Variants in FBXO33 observed in about 807,000 individuals in gnomAD.
FBXO33 encodes F-box only protein 33.
Under a neutral mutation model 46.3 loss-of-function variants are expected in FBXO33, and 22 were observed. That is an observed-to-expected ratio of 0.48 (90% CI 0.34 to 0.68). The LOEUF (loss-of-function observed/expected upper bound fraction) is 0.68, where lower values mean the gene tolerates loss of function less well. FBXO33 is among the 30% of genes least tolerant of loss of function. The pLI is 0.01. For synonymous variants in FBXO33, 337 were observed against 291.3 expected (o/e 1.16, Z -1.60); for missense variants, 692 against 708.8 (o/e 0.98, Z 0.27).
intron 1 of FBXO33, among the ~76,000 whole-genome samples, chr14:39,404,685 A>G (rs2075385062): frequency 6.6e-6 from 1 of 152,180 alleles, no homozygotes; most frequent in Non-Finnish European, 1.5e-5. Context: ...GGGAGACAGC[A>G]TTATAGGGAA....
At chr14:39,420,555 T>C (rs2899888) in intron 1 of FBXO33, among the ~76,000 whole-genome samples, 51,964 of 151,824 alleles carry the variant, frequency 0.34, 10,279 homozygotes, top group African/African-American at 0.54. Context: ...GGCGTGGTGG[T>C]GGGCACCTGT....
chr14:39,404,286 T>C (rs1287151575), intron 1 of FBXO33, among the ~76,000 whole-genome samples: 3 of 152,180 alleles, frequency 2.0e-5, no homozygotes, highest in Non-Finnish European at 2.9e-5. Context: ...TATTTGACAC[T>C]GTAAGGGAGA....
chr14:39,431,606 A>C lies in FBXO33; in HGVS notation c.557T>G (p.Leu186Trp). 6.2e-7 allele frequency: 1 copy of C among 1,613,432 alleles called. No homozygotes were observed. The highest frequency in any genetic ancestry group is 2.2e-5 in the East Asian group (1 of 44,866). Residue 186 changes from leucine to tryptophan, a missense_variant, in exon 1 of 4, where the codon TTG becomes TGG. Around this residue, in one of 3 missense-constraint regions of FBXO33, gnomAD observed 412 missense variants for 370.8 expected, o/e 1.11. Coordinates refer to ENST00000298097, the MANE Select transcript of FBXO33 (RefSeq NM_203301.4). Reference protein sequence around the residue: ...ARWLEVLRTYLELVLCVLVSI... With the variant: ...ARWLEVLRTYWELVLCVLVSI... ...GACCAGCACGCAAAGCACCAGCTCC[A>C]AGTAGGTGCGCAGCACTTCCAGCCA... is the stretch of plus-strand genomic sequence containing the variant.
chr14:39,425,139 T>C (rs1276350371), intron 1 of FBXO33, among the ~76,000 whole-genome samples: 2 of 152,236 alleles, frequency 1.3e-5, no homozygotes, highest in Non-Finnish European at 2.9e-5. Flanking sequence ...TAAACAACCA[T>C]CACAATTTTT....
chr14:39,400,675 C>G (rs9322999), intron 3 of FBXO33, among the ~76,000 whole-genome samples: 20,964 of 152,074 alleles, frequency 0.14, 1,745 homozygotes, highest in African/African-American at 0.24. Flanking sequence ...ATTTATTTGT[C>G]AGAATACCAA....
intron 1 of FBXO33, among the ~76,000 whole-genome samples, chr14:39,405,092 T>C (rs1211325850): frequency 7.0e-6 from 1 of 142,076 alleles, no homozygotes; most frequent in African/African-American, 2.7e-5. Context: ...GAGGTTGCAG[T>C]GAGCCGAGAT....
chr14:39,404,770 G>A (rs1157625248), intron 1 of FBXO33, among the ~76,000 whole-genome samples: 4 of 152,192 alleles, frequency 2.6e-5, no homozygotes, highest in Non-Finnish European at 5.9e-5. Flanking sequence ...AGTACAGAGA[G>A]TAAGTGAACA....
Position 39,398,372 on chromosome 14 carries a change from C to CA in FBXO33, c.*1143dup, listed in dbSNP as rs2075352757. ...ATGGAATGTTCTTCATGTATCATAG[C>CA]AGCTCATACCTGTGATAGAACAAGC... On this transcript the variant is annotated 3_prime_UTR_variant, in exon 4 of 4. Coordinates refer to ENST00000298097, the MANE Select transcript of FBXO33 (RefSeq NM_203301.4). The CA allele has an allele frequency of 1.3e-5, 2 of 152,458 alleles. No homozygotes were observed. Among genetic ancestry groups the CA allele is most frequent in the Admixed American group, 1.3e-4 (2 of 15,274 alleles). The allele number at this position is 152,458 out of a possible 1,614,324, so 9.4% of individuals were successfully genotyped here. A position where few individuals can be genotyped will look rare whatever the true frequency, so the allele number is the denominator to read the frequency against.
chr14:39,412,007 T>TA (rs1182233870), intron 1 of FBXO33, among the ~76,000 whole-genome samples: 1 of 152,214 alleles, frequency 6.6e-6, no homozygotes, highest in African/African-American at 2.4e-5. Flanking sequence ...ATGTTCCATG[T>TA]GTGCTTGAGA....
At chr14:39,428,087 G>A (rs1431017879) in intron 1 of FBXO33, among the ~76,000 whole-genome samples, 1 of 152,174 alleles carries the variant, frequency 6.6e-6, no homozygotes, top group Non-Finnish European at 1.5e-5. Flanking sequence ...GGATATATAA[G>A]CAGACACAGT....
At position 39,432,053 on chromosome 14, in the gene FBXO33, C is replaced by A; in HGVS notation, c.110G>T (p.Arg37Leu). The change falls in exon 1 of 4, where the codon CGG becomes CTG. Residue 37 changes from arginine to leucine, a missense_variant. This residue lies in a region of FBXO33 where 412 missense variants were observed against 370.8 expected (regional missense o/e 1.11). Transcript: ENST00000298097. ...CAGTACCCGGAGCAGCCCCCGCAGC[C>A]GTCGCAGCTGCTGCAGCCGCAGCCG... Reference protein sequence around the residue: ...WRRLRLQQLRRLRGLLRVLRG... With the variant: ...WRRLRLQQLRLLRGLLRVLRG... The A allele has an allele frequency of 1.6e-6, 2 of 1,276,628 alleles. No homozygotes were observed. The highest frequency in any genetic ancestry group is 1.6e-5 in the African/African-American group (1 of 64,308). 79.1% of individuals were successfully genotyped at this position (1,276,628 alleles called of 1,614,324 possible).
At chr14:39,406,169 TAAAAAG>T (rs943616422) in intron 1 of FBXO33, among the ~76,000 whole-genome samples, 62 of 152,002 alleles carry the variant, frequency 4.1e-4, no homozygotes, top group African/African-American at 1.4e-3. Flanking sequence ...TAAGTTTTCT[TAAAAAG>T]AAAAATAAAA....
intron 1 of FBXO33, among the ~76,000 whole-genome samples, chr14:39,413,320 G>T (rs1277428922): frequency 3.3e-5 from 5 of 152,192 alleles, no homozygotes; most frequent in Non-Finnish European, 5.9e-5. Context: ...TTTATGATGA[G>T]ATTGTAGCAA....
At position 39,401,179 on chromosome 14, in the gene FBXO33, G is replaced by A; in HGVS notation, c.1393C>T (p.His465Tyr). 2 of 1,573,578 alleles carry A rather than the reference G, an allele frequency of 1.3e-6. No individual in the cohort carries two copies. Among genetic ancestry groups the A allele is most frequent in the Non-Finnish European group, 1.7e-6 (2 of 1,164,266 alleles). ...RCTKLSLLAIHGYTVWAHNLI... is the reference protein window; with the variant it reads ...RCTKLSLLAIYGYTVWAHNLI... ...TACAATGAACAAGATCACCTACCAT[G>A]AATTGCCAGAAGAGAGAGCTTTGTG... Residue 465 changes from histidine to tyrosine, a missense_variant, in exon 3 of 4, where the codon CAT (histidine) becomes TAT (tyrosine). Coordinates refer to ENST00000298097, the MANE Select transcript of FBXO33 (RefSeq NM_203301.4).
chr14:39,415,816 C>G (rs546623439), intron 1 of FBXO33, among the ~76,000 whole-genome samples: 1 of 152,012 alleles, frequency 6.6e-6, no homozygotes, highest in African/African-American at 2.4e-5. Context: ...ACAGGTACCC[C>G]CTACCATGCT....
chr14:39,415,839 G>T (rs73285579), intron 1 of FBXO33, among the ~76,000 whole-genome samples: 2 of 152,186 alleles, frequency 1.3e-5, no homozygotes, highest in African/African-American at 4.8e-5. Context: ...ACTAGTTTTT[G>T]TATTTTTAGT....
In FBXO33 at chr14:39,432,374, G is replaced by C. The variant is rs374520629; in HGVS notation, c.-212C>G. ...AACTTCAGCGGCCCGGAAGCCTCAA[G>C]GCGTACTGTAAGGAAAAGGCAGCCC... On this transcript the variant is annotated 5_prime_UTR_variant, in exon 1 of 4. Coordinates refer to ENST00000298097, the MANE Select transcript of FBXO33 (RefSeq NM_203301.4). 2 of 312,340 alleles carry C rather than the reference G, an allele frequency of 6.4e-6. No homozygotes were observed. The highest frequency in any genetic ancestry group is 1.1e-5 in the Non-Finnish European group (2 of 176,580). The allele number at this position is 312,340 out of a possible 1,614,324, so 19.3% of individuals were successfully genotyped here.
chr14:39,427,253 A>G (rs145575104), intron 1 of FBXO33, among the ~76,000 whole-genome samples: 1,846 of 151,976 alleles, frequency 0.012, 17 homozygotes, highest in Non-Finnish European at 0.019. Flanking sequence ...AAGTCCTAAA[A>G]CCTCTCATAA....
intron 1 of FBXO33, among the ~76,000 whole-genome samples, chr14:39,426,849 C>T (rs1424461643): frequency 6.6e-6 from 1 of 152,202 alleles, no homozygotes; most frequent in African/African-American, 2.4e-5. Flanking sequence ...CTATTACATC[C>T]TTCTGTTTTA....
Sources: allele counts gnomAD v4.1 joint callset (sites outside exome capture counted in the v4.1 genomes callset), GRCh38; gene constraint gnomAD v4.1.1; regional missense constraint gnomAD v4.1.1; transcripts MANE v1.5; gene names NCBI Gene and HGNC (gene_info 2026-07-23, HGNC 2026-07-21).